PRH1: variants seen among roughly 807,000 people sequenced by gnomAD.
PRH1 encodes proline rich protein HaeIII subfamily 1.
In PRH1, 7 loss-of-function variants were observed where a neutral mutation model predicts 7.9. The observed-to-expected ratio is 0.89, with a 90% confidence interval of 0.50 to 1.67. The LOEUF (loss-of-function observed/expected upper bound fraction) is 1.67. Ranked by LOEUF, PRH1 falls within the 40% of genes most tolerant of loss-of-function variation. The pLI is 0.00. For missense variants in PRH1, 109 were observed against 223.6 expected, an observed-to-expected ratio of 0.49 and a Z score of 3.27; for synonymous variants, 45 against 80.8, an observed-to-expected ratio of 0.56 and a Z score of 2.38.
In PRH1 at chr12:11,035,535, A is replaced by G. The variant is rs185581891; in HGVS notation, c.-126+11485T>C. 8.0e-4 allele frequency among the ~76,000 whole-genome samples: 122 copies of G among 152,350 alleles called. 2 individuals are homozygous for G. ...AAATCATTTTTCTAACGGAGAAACT[A>G]AACCAAGTATTCCTAAAACCAAGTT... On this transcript the variant is annotated intron_variant, in intron 1 of 3. Coordinates refer to the PRH1 transcript ENST00000539853.
chr12:10,931,146 A>C (rs1950205866), intron 2 of PRH1: 5 of 1,588,276 alleles, frequency 3.1e-6, no homozygotes, highest in Non-Finnish European at 4.3e-6. Context: ...TCATTGTGCC[A>C]GTGAATCTAT....
intron 1 of PRH1, chr12:11,077,298 G>A: frequency 3.7e-6 from 1 of 268,162 alleles, no homozygotes; most frequent in Non-Finnish European, 7.6e-6. Flanking sequence ...GACACACGAT[G>A]CACCCCTTGT....
At chr12:10,889,064 G>A (rs1303778166), upstream of PRH1, among the ~76,000 whole-genome samples, 1 of 152,144 alleles carries the variant, frequency 6.6e-6, no homozygotes, top group African/African-American at 2.4e-5. Context: ...GAAAAAGGAA[G>A]ATATATTGTG....
intron 3 of PRH1, 143 bp downstream of exon 3, chr12:10,882,074 A>C (rs1949409628): frequency 6.8e-7 from 1 of 1,472,212 alleles, no homozygotes; most frequent in African/African-American, 1.4e-5. Flanking sequence ...GATACTCTAT[A>C]CAAGAATATC....
At chr12:11,160,076 T>C (rs1565716104) in intron 1 of PRH1, among the ~76,000 whole-genome samples, 1 of 152,152 alleles carries the variant, frequency 6.6e-6, no homozygotes, top group Non-Finnish European at 1.5e-5. Flanking sequence ...AAATGAGAGA[T>C]CATTTTTCAC....
At chr12:10,885,685 T>A (rs1044878366), upstream of PRH1, among the ~76,000 whole-genome samples, 1 of 152,230 alleles carries the variant, frequency 6.6e-6, no homozygotes, top group Admixed American at 6.5e-5. Flanking sequence ...ATTCATAAAA[T>A]ATACTACTCA....
intron 2 of PRH1, chr12:10,908,321 A>C (rs972557529): frequency 7.0e-7 from 1 of 1,435,928 alleles, no homozygotes; most frequent in Non-Finnish European, 9.5e-7. Context: ...CTCCTTGTAG[A>C]CTCCTGTTTC....
At chr12:10,933,553 G>A (rs1210817594) in intron 2 of PRH1, among the ~76,000 whole-genome samples, 1 of 151,928 alleles carries the variant, frequency 6.6e-6, no homozygotes, top group African/African-American at 2.4e-5. Flanking sequence ...TTCCAGGAAT[G>A]TTAAGGAATG....
At chr12:11,109,347 T>A (rs1565662069) in intron 1 of PRH1, among the ~76,000 whole-genome samples, 6 of 152,114 alleles carry the variant, frequency 3.9e-5, no homozygotes, top group Admixed American at 3.9e-4. Flanking sequence ...CTTAAGTGGG[T>A]CCCTGACCTC....
intron 2 of PRH1, among the ~76,000 whole-genome samples, chr12:10,912,523 G>A (rs1949914681): frequency 6.6e-6 from 1 of 151,612 alleles, no homozygotes; most frequent in Non-Finnish European, 1.5e-5. Context: ...GTCTATTCAA[G>A]TCTGTCTTGG....
At chr12:11,122,746 G>T (rs77618265) in intron 1 of PRH1, among the ~76,000 whole-genome samples, 1 of 69,372 alleles carries the variant, frequency 1.4e-5, no homozygotes. Context: ...TAATGAGCAG[G>T]GTAATAATAA....
At chr12:10,914,463 G>A (rs531854122) in intron 2 of PRH1, among the ~76,000 whole-genome samples, 1 of 152,204 alleles carries the variant, frequency 6.6e-6, no homozygotes, top group African/African-American at 2.4e-5. Flanking sequence ...TGGATCCAAG[G>A]ATCAGGAACA....
At chr12:10,938,430 T>A (rs762107197) in intron 2 of PRH1, 2 of 1,613,964 alleles carry the variant, frequency 1.2e-6, no homozygotes, top group East Asian at 2.2e-5. Flanking sequence ...ATAATTAGAT[T>A]TTCCTCCAAC....
rs1024702065 is a variant in PRH1, at chr12:10,908,631, C to G, written c.-58-24356G>C. ...CAAGGCATTTGTATGGACCTTGGTC[C>G]TGGGGTCTCTGTGTCCTTTGTAATT... On this transcript the variant is annotated intron_variant, in intron 2 of 3. Transcript: ENST00000539853. 8 of 1,613,850 alleles carry G rather than the reference C, an allele frequency of 5.0e-6. No homozygotes were observed. Among genetic ancestry groups the G allele is most frequent in the Admixed American group, 3.3e-5 (2 of 59,966 alleles).
At chr12:10,988,643 AAACATAGC>A (rs978717946) in intron 1 of PRH1, among the ~76,000 whole-genome samples, 26 of 152,106 alleles carry the variant, frequency 1.7e-4, no homozygotes, top group Non-Finnish European at 3.2e-4. Context: ...CTAAGATGGT[AAACATAGC>A]AATGTGTCAT....
intron 1 of PRH1, among the ~76,000 whole-genome samples, chr12:11,141,161 AT>A (rs1486041749): frequency 6.6e-6 from 1 of 152,142 alleles, no homozygotes; most frequent in Non-Finnish European, 1.5e-5. Context: ...AAATAGCCCT[AT>A]TTTCCCATTT....
rs758867798 is a variant in PRH1, at chr12:11,061,484, A to AGC, written n.124-14298_124-14297dup. The AGC allele has an allele frequency of 1.9e-6, 3 of 1,614,056 alleles. No individual in the cohort carries two copies. In the African/African-American group the frequency reaches 4.0e-5, roughly 22 times the overall value. ...AGGATGAATGGGTGGGTTGAAGGAT[A>AGC]GCTGAATGCAATAGCTTCGCAGAAC... is the stretch of plus-strand genomic sequence containing the variant. On this transcript the variant is annotated intron_variant and non_coding_transcript_variant, in intron 1 of 4. Transcript: ENST00000541977.
intron 1 of PRH1, chr12:10,997,847 G>A: frequency 1.3e-6 from 2 of 1,597,768 alleles, no homozygotes; most frequent in African/African-American, 1.4e-5. Context: ...TACTAGAATG[G>A]AAAAAACAAT....
intron 1 of PRH1, among the ~76,000 whole-genome samples, chr12:11,106,339 C>T (rs1049940490): frequency 4.6e-5 from 7 of 152,158 alleles, no homozygotes; most frequent in Non-Finnish European, 1.0e-4. Flanking sequence ...CCTATAATTT[C>T]CAAAATGGAA....
Sources: gnomAD v4.1 joint callset for allele counts (sites outside exome capture counted in the v4.1 genomes callset) on GRCh38, gnomAD v4.1.1 for gene constraint, MANE v1.5 for transcripts, NCBI Gene and HGNC (gene_info 2026-07-23, HGNC 2026-07-21) for gene names.